Variants in KCNQ1 observed in about 807,000 individuals in gnomAD.
KCNQ1 encodes potassium voltage-gated channel subfamily Q member 1, also known as potassium voltage-gated channel subfamily KQT member 1.
Under a neutral mutation model 72.4 loss-of-function variants are expected in KCNQ1, and 49 were observed. The observed-to-expected ratio is 0.68, with a 90% confidence interval of 0.54 to 0.86. The LOEUF (loss-of-function observed/expected upper bound fraction) is 0.86, where lower values mean the gene tolerates loss of function less well. Among genes scored for constraint, KCNQ1 ranks in the 40% least tolerant of loss-of-function variants. The probability of loss-of-function intolerance (pLI) is 0.00; values close to 1 mark genes in which losing one functional copy is unlikely to be tolerated. For missense variants in KCNQ1, 790 were observed against 945.1 expected (o/e 0.84, Z 2.15); for synonymous variants, 450 against 412.6 (o/e 1.09, Z -1.10).
chr11:2,654,905 C>T lies in KCNQ1; in HGVS notation c.1394-7056C>T, dbSNP rs1235672440. 2.3e-5 allele frequency: 9 copies of T among 398,348 alleles called. No homozygotes were observed. The highest frequency in any genetic ancestry group is 4.1e-5 in the African/African-American group (2 of 48,572). The allele number at this position is 398,348 out of a possible 1,614,324, so 24.7% of individuals were successfully genotyped here. A position where few individuals can be genotyped will look rare whatever the true frequency, so the allele number is the denominator to read the frequency against. ...AACTCTAGGATAAGATGTGCAAGGT[C>T]GTGGGCCAGAGAGCAAGGCACAGAT... On this transcript the variant is annotated intron_variant, in intron 10 of 15. Coordinates refer to ENST00000155840, the MANE Select transcript of KCNQ1 (RefSeq NM_000218.3). The surrounding 1 kb of genome is among the most constrained non-coding windows in gnomAD (Gnocchi z 6.4).
chr11:2,489,062 CA>C (rs775487405), intron 1 of KCNQ1, among the ~76,000 whole-genome samples: 1 of 152,254 alleles, frequency 6.6e-6, no homozygotes, highest in African/African-American at 2.4e-5. Context: ...ACTATCTACA[CA>C]AAAAAGCACC....
chr11:2,625,855 C>T (rs1467394828), intron 10 of KCNQ1: 1 of 398,698 alleles, frequency 2.5e-6, no homozygotes, highest in Non-Finnish European at 4.4e-6. Context: ...AGGCGTGAGC[C>T]ACCGTGCCTG....
At position 2,451,597 on chromosome 11, in the gene KCNQ1, C is replaced by T. The variant is rs1434439729; in HGVS notation, c.386+6113C>T. On this transcript the variant is annotated intron_variant, in intron 1 of 15. Transcript: ENST00000155840. This position sits in a 1 kb window ranked among gnomAD's most constrained non-coding sequence, Gnocchi z 6.4. The stretch of plus-strand genomic sequence containing the variant: ...AGGCTCCCAGGAGGGTCGTGGCTCC[C>T]TCATCGGCACCGGACTCTCAGGATG... 6.6e-6 allele frequency among the ~76,000 whole-genome samples: 1 copy of T among 152,182 alleles called. No individual in the cohort carries two copies. Among genetic ancestry groups the T allele is most frequent in the East Asian group, 1.9e-4 (1 of 5,184 alleles).
chr11:2,532,680 G>A (rs1460142647), intron 2 of KCNQ1, among the ~76,000 whole-genome samples: 1 of 152,208 alleles, frequency 6.6e-6, no homozygotes, highest in Non-Finnish European at 1.5e-5. Flanking sequence ...GTAAGCTGGT[G>A]CTGGCGGGGC....
intron 11 of KCNQ1, among the ~76,000 whole-genome samples, chr11:2,700,983 G>A (rs947123968): frequency 4.6e-5 from 7 of 152,238 alleles, no homozygotes; most frequent in African/African-American, 1.4e-4. Context: ...CCTTCCATGT[G>A]GACTGCAAAA....
Position 2,673,560 on chromosome 11 carries a change from T to G in KCNQ1, c.1514+11479T>G. On this transcript the variant is annotated intron_variant, in intron 11 of 15. Coordinates refer to ENST00000155840, the MANE Select transcript of KCNQ1 (RefSeq NM_000218.3). This position sits in a 1 kb window ranked among gnomAD's most constrained non-coding sequence, Gnocchi z 4.5. ...TCTCAGCCTATCCCCTCCCTGGCCA[T>G]GCAGGTGGAAGACCCTATTACTTGG... The G allele has an allele frequency of 5.0e-6, 2 of 398,670 alleles. No individual in the cohort carries two copies. Among genetic ancestry groups the G allele is most frequent in the Non-Finnish European group, 8.8e-6 (2 of 226,104 alleles). 24.7% of individuals were successfully genotyped at this position (398,670 alleles called of 1,614,324 possible).
Position 2,654,001 on chromosome 11 carries a change from C to CTG in KCNQ1, c.1394-7957_1394-7956dup. ...TTTCCTAAGCGGAACTGGGTGCCAG[C>CTG]TGTGAATATACATTTTCACTCCATT... On this transcript the variant is annotated intron_variant, in intron 10 of 15. Coordinates refer to ENST00000155840, the MANE Select transcript of KCNQ1 (RefSeq NM_000218.3). This position sits in a 1 kb window ranked among gnomAD's most constrained non-coding sequence, Gnocchi z 6.4. 1 of 398,690 alleles carries CTG rather than the reference C, an allele frequency of 2.5e-6. No homozygotes were observed. Among genetic ancestry groups the CTG allele is most frequent in the Non-Finnish European group, 4.4e-6 (1 of 226,080 alleles). The allele number at this position is 398,690 out of a possible 1,614,324, so 24.7% of individuals were successfully genotyped here.
chr11:2,520,091 C>T (rs988069961), intron 1 of KCNQ1, among the ~76,000 whole-genome samples: 1 of 152,258 alleles, frequency 6.6e-6, no homozygotes, highest in Non-Finnish European at 1.5e-5. Context: ...ATTCCTGCCT[C>T]AGGACCATGG....
chr11:2,837,318 A>T (rs1426622559), intron 15 of KCNQ1, among the ~76,000 whole-genome samples: 2 of 151,728 alleles, frequency 1.3e-5, no homozygotes, highest in Non-Finnish European at 2.9e-5. Flanking sequence ...GCTGGGGACG[A>T]GGGGCCTCAT....
chr11:2,786,879 T>G (rs1400764867), intron 15 of KCNQ1, among the ~76,000 whole-genome samples: 1 of 152,062 alleles, frequency 6.6e-6, no homozygotes, highest in Non-Finnish European at 1.5e-5. Context: ...TCTAAAGTAT[T>G]TCTGAGTTCA....
At position 2,654,827 on chromosome 11, in the gene KCNQ1, C is replaced by CCTA. The variant is rs1392742968; in HGVS notation, c.1394-7134_1394-7133insCTA. On this transcript the variant is annotated intron_variant, in intron 10 of 15. Coordinates refer to ENST00000155840, the MANE Select transcript of KCNQ1 (RefSeq NM_000218.3). The surrounding 1 kb of genome is among the most constrained non-coding windows in gnomAD (Gnocchi z 6.4). ...CTCAAAGACTTTCATGATAGGAGAG[C>CCTA]TCTATGTAGCCTCATGGGCAGCTCC... 2.5e-6 allele frequency: 1 copy of CCTA among 398,444 alleles called. No homozygotes were observed. The highest frequency in any genetic ancestry group is 2.1e-5 in the African/African-American group (1 of 48,572). The allele number at this position is 398,444 out of a possible 1,614,324, so 24.7% of individuals were successfully genotyped here.
chr11:2,846,737 A>AT (rs1187931329), intron 15 of KCNQ1, among the ~76,000 whole-genome samples: 1 of 152,230 alleles, frequency 6.6e-6, no homozygotes, highest in Non-Finnish European at 1.5e-5. Context: ...CTCCAGCCTC[A>AT]TTCCCCAGCG....
rs77833223 is a variant in KCNQ1 at position 2,723,114 on chromosome 11, C to T, written c.1515-45730C>T. ...ATCCCAGACGGATCCTGAAAACAGGCTCCGCCTTCCTCTGTGGCTCTGCCT... is the reference window on the plus strand; with the variant it reads ...ATCCCAGACGGATCCTGAAAACAGGTTCCGCCTTCCTCTGTGGCTCTGCCT... On this transcript the variant is annotated intron_variant, in intron 11 of 15. Transcript: ENST00000155840. The surrounding 1 kb of genome is among the most constrained non-coding windows in gnomAD (Gnocchi z 4.2). 5.3e-3 allele frequency among the ~76,000 whole-genome samples: 809 copies of T among 152,362 alleles called. 7 individuals carry two copies. Among genetic ancestry groups the T allele is most frequent in the African/African-American group, 0.019 (775 of 41,582 alleles).
At chr11:2,791,106 T>C (rs1847012316) in intron 15 of KCNQ1, among the ~76,000 whole-genome samples, 1 of 152,238 alleles carries the variant, frequency 6.6e-6, no homozygotes, top group East Asian at 1.9e-4. Flanking sequence ...AATTTAAGTC[T>C]TTTTAAAAAT....
intron 1 of KCNQ1, among the ~76,000 whole-genome samples, chr11:2,474,807 G>C (rs1441240720): frequency 7.9e-6 from 1 of 126,078 alleles, no homozygotes; most frequent in Non-Finnish European, 1.8e-5. Flanking sequence ...GATTAGTGCA[G>C]ATTGTGATGG....
At chr11:2,523,131 G>A (rs1296130493) in intron 1 of KCNQ1, among the ~76,000 whole-genome samples, 4 of 152,202 alleles carry the variant, frequency 2.6e-5, no homozygotes, top group African/African-American at 9.7e-5. Flanking sequence ...CCTGCGGCCT[G>A]TGAGTGCCCA....
intron 10 of KCNQ1, chr11:2,638,282 C>A (rs1167654134): frequency 6.6e-6 from 1 of 152,212 alleles, no homozygotes; most frequent in African/African-American, 2.4e-5. Flanking sequence ...ATGGTCTTTA[C>A]AATTTGTCAT....
Position 2,532,282 on chromosome 11 carries a change from A to G in KCNQ1, c.477+4264A>G, listed in dbSNP as rs1183297155. On this transcript the variant is annotated intron_variant, in intron 2 of 15. Coordinates refer to ENST00000155840, the MANE Select transcript of KCNQ1 (RefSeq NM_000218.3). ...TCTGCATGGCGCTTCCTGGCCGTGC[A>G]TGTCCCTCCCTGCATCAAATGCATA... Among the ~76,000 whole-genome samples, 8 of 152,182 alleles carry G rather than the reference A, an allele frequency of 5.3e-5. No individual in the cohort carries two copies. The South Asian group carries it at 1.2e-3, about 24-fold the overall frequency.
chr11:2,781,100 G>C lies in KCNQ1; in HGVS notation c.1794+3063G>C, dbSNP rs894311688. On this transcript the variant is annotated intron_variant, in intron 15 of 15. Coordinates refer to ENST00000155840, the MANE Select transcript of KCNQ1 (RefSeq NM_000218.3). This position sits in a 1 kb window ranked among gnomAD's most constrained non-coding sequence, Gnocchi z 6.6. ...CCTCCCCTGTCAAATGAGAGGGTTTGACTCCTGCTTGTGTCCTTAGGGTCA... is the reference window on the plus strand; with the variant it reads ...CCTCCCCTGTCAAATGAGAGGGTTTCACTCCTGCTTGTGTCCTTAGGGTCA... 6.6e-6 allele frequency among the ~76,000 whole-genome samples: 1 copy of C among 152,110 alleles called. No individual in the cohort carries two copies. Among genetic ancestry groups the C allele is most frequent in the Non-Finnish European group, 1.5e-5 (1 of 68,028 alleles).
Sources: allele counts gnomAD v4.1 joint callset (sites outside exome capture counted in the v4.1 genomes callset), GRCh38; gene constraint gnomAD v4.1.1; non-coding constraint Gnocchi (gnomAD v3.1); transcripts MANE v1.5; gene names NCBI Gene and HGNC (gene_info 2026-07-23, HGNC 2026-07-21).